MBTPS1: variants seen among roughly 807,000 people sequenced by gnomAD.
MBTPS1 encodes the protein membrane bound transcription factor peptidase, site 1.
MBTPS1 carries 94 observed loss-of-function variants against 127.8 expected under a neutral mutation model. That is an observed-to-expected ratio of 0.74 (90% CI 0.62 to 0.87). The LOEUF (loss-of-function observed/expected upper bound fraction) is 0.87, where lower values mean the gene tolerates loss of function less well. Ranked by LOEUF, MBTPS1 falls within the 40% of genes least tolerant of loss-of-function variation. MBTPS1 has a pLI of 0.00. For synonymous variants in MBTPS1, 632 were observed against 509.4 expected, an observed-to-expected ratio of 1.24 and a Z score of -3.24; for missense variants, 1,636 against 1,353.2, an observed-to-expected ratio of 1.21 and a Z score of -3.28.
intron 10 of MBTPS1, 80 bp from the exon 11 acceptor site, chr16:84,081,988 G>C: frequency 9.3e-7 from 1 of 1,080,394 alleles, no homozygotes; most frequent in Non-Finnish European, 1.2e-6. Context: ...ACCTACAAAC[G>C]TGCACACAAG....
At chr16:84,069,394 G>A (rs1049497362) in intron 14 of MBTPS1, among the ~76,000 whole-genome samples, 1 of 151,682 alleles carries the variant, frequency 6.6e-6, no homozygotes, top group African/African-American at 2.4e-5. Context: ...GCAGTCACTG[G>A]AGAGCTTGAG....
At chr16:84,114,842 T>C (rs911475280) in intron 1 of MBTPS1, among the ~76,000 whole-genome samples, 1 of 141,234 alleles carries the variant, frequency 7.1e-6, no homozygotes. Flanking sequence ...AAAATAAAAA[T>C]AAATAAAGCG....
At chr16:84,073,767 G>T (rs1448418691) in intron 12 of MBTPS1, among the ~76,000 whole-genome samples, 2 of 152,180 alleles carry the variant, frequency 1.3e-5, no homozygotes, top group East Asian at 3.8e-4. Context: ...GACTCTGGGA[G>T]GCTGAGGTAG....
intron 9 of MBTPS1, chr16:84,085,836 A>T (rs2086014422): frequency 6.6e-6 from 1 of 152,106 alleles, no homozygotes; most frequent in Non-Finnish European, 1.5e-5. Flanking sequence ...TATGTTAGAA[A>T]AATTAGAAAA....
chr16:84,079,399 G>A (rs1024690437), intron 11 of MBTPS1, among the ~76,000 whole-genome samples: 4 of 152,094 alleles, frequency 2.6e-5, no homozygotes, highest in African/African-American at 9.7e-5. Context: ...GGATGTGGGG[G>A]AAATCTAAAA....
Position 84,054,319 on chromosome 16 carries a change from G to A in MBTPS1, c.*130C>T. On this transcript the variant is annotated 3_prime_UTR_variant, in exon 23 of 23. Coordinates refer to ENST00000343411, the MANE Select transcript of MBTPS1 (RefSeq NM_003791.4). ...CATCACAGGAGGGCAGGCCCATGTAGAACAGACTCTAACAAACCTGCAGCT... is the reference window on the plus strand; with the variant it reads ...CATCACAGGAGGGCAGGCCCATGTAAAACAGACTCTAACAAACCTGCAGCT... 2.6e-6 allele frequency: 2 copies of A among 779,674 alleles called. No individual in the cohort carries two copies. The highest frequency in any genetic ancestry group is 3.9e-6 in the Non-Finnish European group (2 of 510,810). The allele number at this position is 779,674 out of a possible 1,614,324, so 48.3% of individuals were successfully genotyped here.
intron 2 of MBTPS1, among the ~76,000 whole-genome samples, chr16:84,100,336 A>T (rs1227089179): frequency 6.6e-6 from 1 of 152,174 alleles, no homozygotes; most frequent in East Asian, 1.9e-4. Context: ...CCTGAGGTCA[A>T]GAGTGCAAGA....
intron 2 of MBTPS1, 129 bp from the exon 3 acceptor site, chr16:84,099,439 A>G: frequency 1.1e-6 from 1 of 922,474 alleles, no homozygotes; most frequent in African/African-American, 1.7e-5. Flanking sequence ...GAGAGAAAAC[A>G]CAAAGACTAG....
At chr16:84,077,399 C>CA (rs1295896767) in intron 11 of MBTPS1, among the ~76,000 whole-genome samples, 4 of 152,176 alleles carry the variant, frequency 2.6e-5, no homozygotes, top group African/African-American at 9.6e-5. Context: ...CATGGACAGA[C>CA]AGACCAGTGG....
chr16:84,087,524 A>G, intron 8 of MBTPS1, 64 bp from the exon 9 acceptor site: 1 of 1,090,528 alleles, frequency 9.2e-7, no homozygotes, highest in South Asian at 1.4e-5. Context: ...AAATAATTTA[A>G]AATGGATGAT....
rs752112453 is a variant in MBTPS1, at chr16:84,069,853, G to T, written c.1955+13C>A. ...AGGCTGGGGAGGTGAAGTGCATCCT[G>T]TGAGGTGCTTACCAGTCTAAAGGGT... On this transcript the variant is annotated intron_variant, in intron 14 of 22. Coordinates refer to ENST00000343411, the MANE Select transcript of MBTPS1 (RefSeq NM_003791.4). 1.1e-5 allele frequency: 18 copies of T among 1,609,748 alleles called. No individual in the cohort carries two copies. The South Asian group carries it at 2.0e-4, about 18-fold the overall frequency.
In MBTPS1 at chr16:84,078,025, C is replaced by G. The variant is rs1026179838; in HGVS notation, c.1449-3284G>C. On this transcript the variant is annotated intron_variant, in intron 11 of 22. Transcript: ENST00000343411. ...ATTAAACAATACTGAAATACCATTT[C>G]TTACCAATCAGATTTGTAAAAATAA... 2.0e-5 allele frequency among the ~76,000 whole-genome samples: 3 copies of G among 152,156 alleles called. No homozygotes were observed. The South Asian group carries it at 6.2e-4, about 32-fold the overall frequency.
At chr16:84,103,795 A>C (rs1014013049) in intron 1 of MBTPS1, among the ~76,000 whole-genome samples, 2 of 152,184 alleles carry the variant, frequency 1.3e-5, no homozygotes, top group African/African-American at 4.8e-5. Context: ...TGTACTAACA[A>C]CTGATCCTGA....
At chr16:84,087,252 G>A (rs1241983469) in intron 9 of MBTPS1, 106 bp downstream of exon 9, 4 of 798,044 alleles carry the variant, frequency 5.0e-6, no homozygotes, top group South Asian at 3.0e-5. Flanking sequence ...GAATGTGAGG[G>A]TGTCTGTGCA....
At chr16:84,108,423 C>A (rs546772573) in intron 1 of MBTPS1, among the ~76,000 whole-genome samples, 1 of 152,188 alleles carries the variant, frequency 6.6e-6, no homozygotes, top group Non-Finnish European at 1.5e-5. Context: ...GCCACCACAC[C>A]CAGCTAATTT....
At position 84,054,386 on chromosome 16, in the gene MBTPS1, G is replaced by A. The variant is rs1020950734; in HGVS notation, c.*63C>T. The A allele has an allele frequency of 8.4e-6, 12 of 1,436,788 alleles. No individual in the cohort carries two copies. Among genetic ancestry groups the A allele is most frequent in the Middle Eastern group, 1.8e-4 (1 of 5,512 alleles). The allele number at this position is 1,436,788 out of a possible 1,614,324, so 89.0% of individuals were successfully genotyped here. On this transcript the variant is annotated 3_prime_UTR_variant, in exon 23 of 23. Transcript: ENST00000343411. ...TTAAACCAGCCGCCACCACAGCTCG[G>A]CTCACCCACCAGCGCCGTCCGTGAA...
chr16:84,101,729 T>G lies in MBTPS1; in HGVS notation c.55A>C (p.Lys19Gln). 2 of 1,614,200 alleles carry G rather than the reference T, an allele frequency of 1.2e-6. No homozygotes were observed. Among genetic ancestry groups the G allele is most frequent in the Non-Finnish European group, 1.7e-6 (2 of 1,180,030 alleles). The part of the protein sequence containing the change: ...LLLVVLLCGK[K>Q]HLGDRLEKKS... The stretch of plus-strand genomic sequence containing the variant: ...TTTTCCAGTCTGTCGCCCAGATGTT[T>G]CTTCCCACAGAGCAAAACCACGAGC... Residue 19 changes from lysine (K) to glutamine (Q), a missense_variant, in exon 2 of 23, where the codon AAA (lysine) becomes CAA (glutamine). By Grantham distance (53) the Lys-to-Gln change is moderately conservative. Coordinates refer to ENST00000343411, the MANE Select transcript of MBTPS1 (RefSeq NM_003791.4).
intron 4 of MBTPS1, among the ~76,000 whole-genome samples, chr16:84,094,703 G>A (rs2086155531): frequency 6.6e-6 from 1 of 152,088 alleles, no homozygotes; most frequent in African/African-American, 2.4e-5. Flanking sequence ...ATTTGGTTTG[G>A]GGGGAATAAA....
rs1232248663 is a variant in MBTPS1 at position 84,067,198 on chromosome 16, CA to C, written c.2228+468del. 5.9e-5 allele frequency among the ~76,000 whole-genome samples: 9 copies of C among 152,134 alleles called. No individual in the cohort carries two copies. The East Asian group carries it at 1.7e-3, about 29-fold the overall frequency. On this transcript the variant is annotated intron_variant, in intron 16 of 22. Transcript: ENST00000343411. ...TAACAGAGAGTGGAAAAGAATTAAA[CA>C]GAAGTTTAAACCTGAAGTATCTCAT...
Sources: gnomAD v4.1 joint callset for allele counts (sites outside exome capture counted in the v4.1 genomes callset) on GRCh38, gnomAD v4.1.1 for gene constraint, MANE v1.5 for transcripts, NCBI Gene and HGNC (gene_info 2026-07-23, HGNC 2026-07-21) for gene names.